The following PSD3 variants were observed in gnomAD, a reference collection of about 807,000 sequenced individuals.
PSD3 encodes the protein PH and SEC7 domain-containing protein 3.
Under a neutral mutation model 105.5 loss-of-function variants are expected in PSD3, and 49 were observed. The ratio of observed to expected loss-of-function variants is 0.46; its 90% CI spans 0.37 to 0.59. PSD3 has a LOEUF of 0.59. Ranked by LOEUF, PSD3 falls within the 20% of genes least tolerant of loss-of-function variation. PSD3 has a pLI of 0.00. For missense variants in PSD3, 1,561 were observed against 1,263.8 expected (o/e 1.24, Z -3.57); for synonymous variants, 557 against 457.8 (o/e 1.22, Z -2.77).
chr8:18,574,976 C>T (rs1802383025), intron 13 of PSD3, 152 bp downstream of exon 13: 4 of 722,140 alleles, frequency 5.5e-6, no homozygotes, highest in Non-Finnish European at 6.0e-6. Context: ...TTACTCTAAT[C>T]TTCTTAGGCA....
At chr8:19,081,854 C>T (rs907012681) in intron 1 of PSD3, among the ~76,000 whole-genome samples, 5 of 152,196 alleles carry the variant, frequency 3.3e-5, no homozygotes, top group Non-Finnish European at 7.3e-5. Context: ...CTCAACTCTA[C>T]TGTACACGTG....
intron 2 of PSD3, among the ~76,000 whole-genome samples, chr8:18,899,216 T>C (rs1483240894): frequency 1.3e-5 from 2 of 152,194 alleles, no homozygotes; most frequent in Non-Finnish European, 2.9e-5. Context: ...TCTGGTGTGA[T>C]ACCTATTTGC....
chr8:19,034,517 A>C (rs1372744388), intron 1 of PSD3, among the ~76,000 whole-genome samples: 1 of 152,184 alleles, frequency 6.6e-6, no homozygotes, highest in Non-Finnish European at 1.5e-5. Context: ...TACATTTAAC[A>C]TCCTTTTAAA....
intron 11 of PSD3, among the ~76,000 whole-genome samples, chr8:18,632,098 A>G (rs1806944884): frequency 6.6e-6 from 1 of 152,044 alleles, no homozygotes; most frequent in Non-Finnish European, 1.5e-5. Context: ...AACTAATTAT[A>G]CTATGCTCTC....
At chr8:18,979,463 A>T (rs1825137057) in intron 1 of PSD3, among the ~76,000 whole-genome samples, 1 of 152,234 alleles carries the variant, frequency 6.6e-6, no homozygotes, top group African/African-American at 2.4e-5. Context: ...TTTCATTCCA[A>T]AACCAGAAAT....
chr8:18,961,012 A>T (rs59097357), intron 1 of PSD3, among the ~76,000 whole-genome samples: 5,478 of 152,112 alleles, frequency 0.036, 308 homozygotes, highest in African/African-American at 0.13. Flanking sequence ...ACATGAACCC[A>T]GGGAGGTCGA....
chr8:18,817,936 T>G (rs531195834), intron 4 of PSD3, among the ~76,000 whole-genome samples: 1 of 152,186 alleles, frequency 6.6e-6, no homozygotes, highest in Non-Finnish European at 1.5e-5. Context: ...ATAGATTATA[T>G]GCATTACGTT....
chr8:19,012,229 T>C (rs78275431), intron 1 of PSD3, among the ~76,000 whole-genome samples: 17,614 of 152,192 alleles, frequency 0.12, 1,098 homozygotes, highest in Non-Finnish European at 0.14. Flanking sequence ...CACTTGTGGA[T>C]GGATATAAAA....
chr8:18,615,365 T>A (rs1805582641), intron 11 of PSD3, among the ~76,000 whole-genome samples: 1 of 152,112 alleles, frequency 6.6e-6, no homozygotes, highest in Non-Finnish European at 1.5e-5. Flanking sequence ...CCCTAGCCAA[T>A]AAGGGAATGA....
At chr8:18,868,625 T>C (rs1817119378) in intron 3 of PSD3, among the ~76,000 whole-genome samples, 1 of 152,118 alleles carries the variant, frequency 6.6e-6, no homozygotes, top group African/African-American at 2.4e-5. Context: ...AGATAGCCAA[T>C]TAACGGCCTA....
At chr8:18,632,057 G>T (rs1049979681) in intron 11 of PSD3, among the ~76,000 whole-genome samples, 1 of 151,978 alleles carries the variant, frequency 6.6e-6, no homozygotes, top group Non-Finnish European at 1.5e-5. Context: ...AAAATCAGAA[G>T]CCATCCAATT....
At chr8:18,934,158 T>C (rs1035336867) in intron 2 of PSD3, among the ~76,000 whole-genome samples, 1 of 152,236 alleles carries the variant, frequency 6.6e-6, no homozygotes, top group Admixed American at 6.5e-5. Context: ...TAATCCCATC[T>C]AACATGTGAG....
At chr8:18,709,688 C>T (rs1342915825) in intron 9 of PSD3, among the ~76,000 whole-genome samples, 1 of 152,180 alleles carries the variant, frequency 6.6e-6, no homozygotes, top group Non-Finnish European at 1.5e-5. Flanking sequence ...GTGATACCTC[C>T]AGGTATGGGA....
chr8:19,076,920 G>A (rs921293363), intron 1 of PSD3, among the ~76,000 whole-genome samples: 12 of 152,022 alleles, frequency 7.9e-5, no homozygotes, highest in Non-Finnish European at 5.9e-5. Flanking sequence ...GGCCTTTATG[G>A]GATGGACTTT....
chr8:18,826,503 T>C (rs887287134), intron 4 of PSD3, among the ~76,000 whole-genome samples: 4 of 152,242 alleles, frequency 2.6e-5, no homozygotes, highest in African/African-American at 9.6e-5. Context: ...TATTATTACC[T>C]TATATTCCCT....
intron 1 of PSD3, among the ~76,000 whole-genome samples, chr8:19,027,372 G>T (rs1827593866): frequency 6.6e-6 from 1 of 152,136 alleles, no homozygotes. Flanking sequence ...CAGCTGTTTG[G>T]TTTTTTGATT....
chr8:18,782,135 T>C (rs1037503567), intron 8 of PSD3, among the ~76,000 whole-genome samples: 3 of 152,164 alleles, frequency 2.0e-5, no homozygotes, highest in Non-Finnish European at 4.4e-5. Context: ...TTTTCAGAAA[T>C]ATTTTGAATT....
chr8:18,648,904 T>A (rs1808257384), intron 10 of PSD3, among the ~76,000 whole-genome samples: 1 of 152,244 alleles, frequency 6.6e-6, no homozygotes, highest in African/African-American at 2.4e-5. Flanking sequence ...GGCTTCCACA[T>A]GGCGTTAAGC....
intron 9 of PSD3, among the ~76,000 whole-genome samples, chr8:18,752,565 T>A (rs537506730): frequency 1.4e-3 from 109 of 77,410 alleles, no homozygotes; most frequent in African/African-American, 9.6e-3. Flanking sequence ...ATTATATATA[T>A]TATATATATA....
Sources: allele counts gnomAD v4.1 joint callset (sites outside exome capture counted in the v4.1 genomes callset), GRCh38; gene constraint gnomAD v4.1.1; transcripts MANE v1.5; gene names NCBI Gene and HGNC (gene_info 2026-07-23, HGNC 2026-07-21).